The following LBP variants were observed in gnomAD, a reference collection of about 807,000 sequenced individuals.
The protein encoded by LBP is lipopolysaccharide binding protein, also known as lipopolysaccharide-binding protein.
LBP carries 53 observed loss-of-function variants against 56.6 expected under a neutral mutation model. The observed-to-expected ratio is 0.94, with a 90% CI of 0.75 to 1.18. The LOEUF (loss-of-function observed/expected upper bound fraction) is 1.18, where lower values mean the gene tolerates loss of function less well. Among genes scored for constraint, LBP ranks in the 50% most tolerant of loss-of-function variants. The pLI, the probability that LBP is intolerant of heterozygous loss-of-function variation, is 0.00. For missense variants in LBP, 601 were observed against 598.3 expected (o/e 1.00, Z -0.05); for synonymous variants, 227 against 247.5 (o/e 0.92, Z 0.78).
intron 3 of LBP, among the ~76,000 whole-genome samples, chr20:38,353,050 C>A (rs1006310023): frequency 6.6e-6 from 1 of 152,116 alleles, no homozygotes; most frequent in Non-Finnish European, 1.5e-5. Context: ...ATGAAAGGAA[C>A]TGGCCACACT....
In LBP at chr20:38,354,242, C is replaced by T. The variant is rs188110448; in HGVS notation, c.369-42C>T. The T allele has an allele frequency of 1.0e-5, 16 of 1,568,564 alleles. No individual in the cohort carries two copies. The Admixed American group carries it at 1.1e-4, about 11-fold the overall frequency. On this transcript the variant is annotated intron_variant, in intron 3 of 14. Coordinates refer to ENST00000217407, the MANE Select transcript of LBP (RefSeq NM_004139.5). ...TTTTCCCCACAAATGGTGGCAGACC[C>T]CTGGTCTAGGAACTAACCATGGCTT...
intron 6 of LBP, among the ~76,000 whole-genome samples, chr20:38,362,976 A>C (rs2076866670): frequency 6.6e-6 from 1 of 152,146 alleles, no homozygotes; most frequent in Non-Finnish European, 1.5e-5. Flanking sequence ...ATAAAACATG[A>C]GGTCCATGCA....
chr20:38,376,733 G>A lies in LBP; in HGVS notation c.*64G>A. ...TGCTTGTTGCATTTCCAGCTGTGCAGCACGTCTCAGAGATTCTTGAAGAAT... is the reference window on the plus strand; with the variant it reads ...TGCTTGTTGCATTTCCAGCTGTGCAACACGTCTCAGAGATTCTTGAAGAAT... On this transcript the variant is annotated 3_prime_UTR_variant, in exon 15 of 15. Coordinates refer to ENST00000217407, the MANE Select transcript of LBP (RefSeq NM_004139.5). The A allele has an allele frequency of 4.1e-6, 6 of 1,446,264 alleles. No individual in the cohort carries two copies. The highest frequency in any genetic ancestry group is 5.8e-6 in the Non-Finnish European group (6 of 1,028,560). 89.6% of individuals were successfully genotyped at this position (1,446,264 alleles called of 1,614,324 possible). A position where few individuals can be genotyped will look rare whatever the true frequency, so the allele number is the denominator to read the frequency against.
At chr20:38,363,859 A>C in intron 6 of LBP, 116 bp from the exon 7 acceptor site, 1 of 725,698 alleles carries the variant, frequency 1.4e-6, no homozygotes, top group Admixed American at 2.1e-5. Flanking sequence ...GGGCCGGGCT[A>C]GTAGGGGGAT....
At chr20:38,363,130 T>C (rs2076867467) in intron 6 of LBP, among the ~76,000 whole-genome samples, 1 of 152,200 alleles carries the variant, frequency 6.6e-6, no homozygotes, top group Non-Finnish European at 1.5e-5. Flanking sequence ...TTATCCGTAG[T>C]GCTGCTATAA....
chr20:38,350,697 C>G (rs2122594897), intron 2 of LBP, 114 bp from the exon 3 acceptor site: 1 of 1,237,198 alleles, frequency 8.1e-7, no homozygotes, highest in Non-Finnish European at 1.1e-6. Flanking sequence ...AGGTGCTTAC[C>G]TGGAGCAGAT....
rs1600727318 is a variant in LBP, at chr20:38,363,680, G to A, written c.653-295G>A. On this transcript the variant is annotated intron_variant, in intron 6 of 14. Coordinates refer to ENST00000217407, the MANE Select transcript of LBP (RefSeq NM_004139.5). ...ATTGGCTCAGCATTAAGCTCCAGGT[G>A]TGGCTGGAGAGGTGAAGCCTGGACT... is the stretch of plus-strand genomic sequence containing the variant. 4.6e-5 allele frequency among the ~76,000 whole-genome samples: 7 copies of A among 152,274 alleles called. 1 individual carries two copies. The South Asian group carries it at 1.2e-3, about 27-fold the overall frequency.
At chr20:38,363,720 A>ATG (rs1000366832) in intron 6 of LBP, among the ~76,000 whole-genome samples, 77 of 150,730 alleles carry the variant, frequency 5.1e-4, no homozygotes, top group African/African-American at 9.5e-4. Context: ...GTGTGTGTGT[A>ATG]TGTGTGTGTG....
rs1223436944 is a variant in LBP, at chr20:38,354,399, G to C, written c.484G>C (p.Asp162His). 6.2e-7 allele frequency: 1 copy of C among 1,613,370 alleles called. No individual in the cohort carries two copies. Among genetic ancestry groups the C allele is most frequent in the East Asian group, 2.2e-5 (1 of 44,856 alleles). The change falls in exon 4 of 15, where the codon GAC (aspartate) becomes CAC (histidine). Residue 162 changes from aspartate to histidine, a missense_variant. By Grantham distance (81) the Asp-to-His change is moderately conservative (BLOSUM62 -1). Coordinates refer to ENST00000217407, the MANE Select transcript of LBP (RefSeq NM_004139.5). ...AGTTACTGCCTCCAGCTGCAGCAGT[G>C]ACATCGCTGACGTGGAGGTGGACAT... ...PTVTASSCSS[D>H]IADVEVDMSG...
chr20:38,362,512 C>G (rs942578931), intron 6 of LBP, among the ~76,000 whole-genome samples: 8 of 151,274 alleles, frequency 5.3e-5, no homozygotes, highest in African/African-American at 1.9e-4. Flanking sequence ...ACTCGGGAGG[C>G]TGAGGCAGGA....
At chr20:38,359,371 A>G (rs560157410) in intron 5 of LBP, among the ~76,000 whole-genome samples, 1 of 152,130 alleles carries the variant, frequency 6.6e-6, no homozygotes, top group Non-Finnish European at 1.5e-5. Context: ...ATTTGAGGTC[A>G]GAAGTTCTAG....
chr20:38,348,220 A>G (rs973407413), intron 1 of LBP, among the ~76,000 whole-genome samples: 53 of 152,272 alleles, frequency 3.5e-4, no homozygotes, highest in African/African-American at 1.2e-3. Context: ...TTGAAACTGT[A>G]AATCAGGGAA....
At chr20:38,348,862 C>T (rs765546062) in intron 1 of LBP, among the ~76,000 whole-genome samples, 2 of 151,996 alleles carry the variant, frequency 1.3e-5, no homozygotes, top group Non-Finnish European at 2.9e-5. Flanking sequence ...AGTGCGATCT[C>T]GGCTCACTGC....
chr20:38,373,978 G>T lies in LBP; in HGVS notation c.1366G>T (p.Val456Phe). The change falls in exon 14 of 15, where the codon GTT becomes TTT. Residue 456 changes from valine (V) to phenylalanine (F), a missense_variant. Transcript: ENST00000217407. Reference protein sequence around the residue: ...EGFPLPLLKRVQLYDLGLQIH... With the variant: ...EGFPLPLLKRFQLYDLGLQIH... ...CTTCCCCCTTCCTCTGCTGAAGCGT[G>T]TTCAGCTCTACGACCTTGGGCTGCA... The T allele has an allele frequency of 6.2e-7, 1 of 1,614,092 alleles. No individual in the cohort carries two copies. The highest frequency in any genetic ancestry group is 8.5e-7 in the Non-Finnish European group (1 of 1,179,954).
chr20:38,369,382 C>A (rs1296150202), intron 10 of LBP, among the ~76,000 whole-genome samples: 1 of 152,112 alleles, frequency 6.6e-6, no homozygotes, highest in Non-Finnish European at 1.5e-5. Flanking sequence ...TTCTTCTCAG[C>A]GTTTACTACA....
intron 3 of LBP, among the ~76,000 whole-genome samples, chr20:38,351,953 G>A (rs185121432): frequency 6.6e-5 from 10 of 151,622 alleles, no homozygotes; most frequent in South Asian, 2.1e-4. Context: ...CAGAAGAATC[G>A]TTTGAACCCT....
rs1200797235 is a variant in LBP, at chr20:38,346,486, C to T, written c.-31C>T. 3 of 1,611,730 alleles carry T rather than the reference C, an allele frequency of 1.9e-6. No individual in the cohort carries two copies. The highest frequency in any genetic ancestry group is 1.7e-6 in the Non-Finnish European group (2 of 1,179,296). On this transcript the variant is annotated 5_prime_UTR_variant, in exon 1 of 15. Transcript: ENST00000217407. Reference sequence around the variant, plus strand: ...ACCTGGGCCCAATCCACAGCTGGGACAGTCCTGGCCCACTGCACTGGGAAT... The same window carrying T: ...ACCTGGGCCCAATCCACAGCTGGGATAGTCCTGGCCCACTGCACTGGGAAT...
intron 4 of LBP, among the ~76,000 whole-genome samples, chr20:38,354,702 C>A (rs953753526): frequency 6.6e-6 from 1 of 151,994 alleles, no homozygotes; most frequent in African/African-American, 2.4e-5. Flanking sequence ...TGGAGGAACA[C>A]AGAAACTTTG....
intron 4 of LBP, 107 bp from the exon 5 acceptor site, chr20:38,355,239 T>C: frequency 2.1e-6 from 2 of 962,534 alleles, no homozygotes; most frequent in Non-Finnish European, 3.4e-6. Context: ...CGGGAAGGGG[T>C]GGAGAGGGCT....
Sources: gnomAD v4.1 joint callset for allele counts (sites outside exome capture counted in the v4.1 genomes callset) on GRCh38, gnomAD v4.1.1 for gene constraint, MANE v1.5 for transcripts, NCBI Gene and HGNC (gene_info 2026-07-23, HGNC 2026-07-21) for gene names.